Variants in SLC39A10 observed in about 807,000 individuals in gnomAD.
SLC39A10 encodes the protein solute carrier family 39 member 10.
Under a neutral mutation model 65.1 loss-of-function variants are expected in SLC39A10, and 13 were observed. That is an observed-to-expected ratio of 0.20 (90% CI 0.13 to 0.32). SLC39A10 has a LOEUF of 0.32. Ranked by LOEUF, SLC39A10 falls within the 10% of genes least tolerant of loss-of-function variation. The pLI, the probability that SLC39A10 is intolerant of heterozygous loss-of-function variation, is 1.00. For synonymous variants in SLC39A10, 321 were observed against 342.2 expected, an observed-to-expected ratio of 0.94 and a Z score of 0.68; for missense variants, 831 against 1,018.4, an observed-to-expected ratio of 0.82 and a Z score of 2.50.
chr2:195,659,877 C>G lies in SLC39A10; in HGVS notation c.-12+2596C>G, dbSNP rs1689316097. On this transcript the variant is annotated intron_variant, in intron 1 of 9. Transcript: ENST00000359634. ...TCTCCCTCCACTCCCTCCTTGACTA[C>G]CCCCAGAATGAGCTTTGATGGTCTC... Among the ~76,000 whole-genome samples, 3 of 152,236 alleles carry G rather than the reference C, an allele frequency of 2.0e-5. No individual in the cohort carries two copies. The South Asian group carries it at 6.2e-4, about 32-fold the overall frequency.
At chr2:195,685,383 A>G (rs902391871) in intron 3 of SLC39A10, among the ~76,000 whole-genome samples, 2 of 151,816 alleles carry the variant, frequency 1.3e-5, no homozygotes, top group Non-Finnish European at 2.9e-5. Context: ...TGCTAGTTAT[A>G]TTTTTTTCTC....
At chr2:195,725,790 A>T (rs1326893368) in intron 8 of SLC39A10, among the ~76,000 whole-genome samples, 1 of 152,196 alleles carries the variant, frequency 6.6e-6, no homozygotes, top group East Asian at 1.9e-4. Flanking sequence ...TAATTTTCTG[A>T]TATACACAGT....
intron 6 of SLC39A10, 35 bp downstream of exon 6, chr2:195,713,588 T>C (rs1192949387): frequency 1.3e-6 from 2 of 1,549,078 alleles, no homozygotes; most frequent in South Asian, 1.2e-5. Context: ...CAAACTTTTT[T>C]CTTTTTTTTT....
At chr2:195,618,377 A>G (rs1478618547) in intron 2 of SLC39A10, among the ~76,000 whole-genome samples, 8 of 151,556 alleles carry the variant, frequency 5.3e-5, no homozygotes, top group East Asian at 1.9e-4. Context: ...AAGAGAGAGA[A>G]AAAGTTAACT....
chr2:195,615,449 C>T (rs1688185365), intron 2 of SLC39A10, among the ~76,000 whole-genome samples: 1 of 152,184 alleles, frequency 6.6e-6, no homozygotes, highest in African/African-American at 2.4e-5. Flanking sequence ...AGGTGTGAGC[C>T]ACTATGACCG....
intron 3 of SLC39A10, among the ~76,000 whole-genome samples, chr2:195,693,660 G>A (rs191092344): frequency 1.6e-4 from 24 of 151,918 alleles, no homozygotes; most frequent in Non-Finnish European, 2.7e-4. Flanking sequence ...CCTCCTGTTT[G>A]GTTTCTAATT....
At chr2:195,721,903 T>C (rs1302031625) in intron 8 of SLC39A10, among the ~76,000 whole-genome samples, 1 of 152,210 alleles carries the variant, frequency 6.6e-6, no homozygotes, top group East Asian at 1.9e-4. Context: ...AAGGATTCAC[T>C]CAGACACAGA....
At chr2:195,721,765 C>T (rs1692054511) in intron 8 of SLC39A10, among the ~76,000 whole-genome samples, 1 of 152,132 alleles carries the variant, frequency 6.6e-6, no homozygotes, top group Non-Finnish European at 1.5e-5. Flanking sequence ...GATAATCACG[C>T]ATACACCTCC....
chr2:195,669,074 G>GA (rs11440320), intron 1 of SLC39A10, among the ~76,000 whole-genome samples: 71,561 of 134,896 alleles, frequency 0.53, 18,548 homozygotes, highest in Non-Finnish European at 0.61. Flanking sequence ...CTCCCTCTCA[G>GA]AAAAAAAAAA....
chr2:195,625,135 T>G (rs1688440194), intron 2 of SLC39A10, among the ~76,000 whole-genome samples: 1 of 147,716 alleles, frequency 6.8e-6, no homozygotes, highest in Non-Finnish European at 1.5e-5. Context: ...GAGAATCGCT[T>G]GAACCCGGGA....
chr2:195,696,319 G>GA (rs67651617), intron 3 of SLC39A10, among the ~76,000 whole-genome samples: 16,937 of 140,670 alleles, frequency 0.12, 1,211 homozygotes, highest in East Asian at 0.24. Context: ...TTTTATTTCT[G>GA]AAAAAAAAAA....
intron 2 of SLC39A10, among the ~76,000 whole-genome samples, chr2:195,683,256 A>G (rs1690401084): frequency 6.6e-6 from 1 of 152,002 alleles, no homozygotes; most frequent in South Asian, 2.1e-4. Flanking sequence ...AGAATTTTCC[A>G]AAACAATATG....
intron 2 of SLC39A10, among the ~76,000 whole-genome samples, 155 bp from the exon 3 acceptor site, chr2:195,683,544 A>G (rs1372391552): frequency 6.6e-6 from 1 of 152,092 alleles, no homozygotes; most frequent in Non-Finnish European, 1.5e-5. Context: ...CCCTATTACA[A>G]ATTCTTATTA....
chr2:195,690,856 A>T (rs959003832), intron 3 of SLC39A10, among the ~76,000 whole-genome samples: 1 of 151,908 alleles, frequency 6.6e-6, no homozygotes, highest in Non-Finnish European at 1.5e-5. Context: ...TTTTGTTTTT[A>T]AATTTTTATT....
At chr2:195,692,967 A>G (rs1483579994) in intron 3 of SLC39A10, among the ~76,000 whole-genome samples, 1 of 152,186 alleles carries the variant, frequency 6.6e-6, no homozygotes, top group Non-Finnish European at 1.5e-5. Context: ...TGGGTTTGTC[A>G]TAGATGGCTT....
intron 1 of SLC39A10, chr2:195,671,629 A>G (rs1689862407): frequency 6.6e-6 from 1 of 152,130 alleles, no homozygotes; most frequent in African/African-American, 2.4e-5. Flanking sequence ...GGCTTCTACC[A>G]TTTCCCCCAT....
chr2:195,703,138 A>T (rs1691256129), intron 3 of SLC39A10, among the ~76,000 whole-genome samples: 1 of 152,102 alleles, frequency 6.6e-6, no homozygotes, highest in Non-Finnish European at 1.5e-5. Context: ...CCTTTGAAAT[A>T]CCCCCTATCT....
At chr2:195,681,591 T>C (rs561116926) in intron 2 of SLC39A10, among the ~76,000 whole-genome samples, 5 of 152,298 alleles carry the variant, frequency 3.3e-5, no homozygotes, top group African/African-American at 1.2e-4. Flanking sequence ...TCTTATATTC[T>C]CAAATTTGGT....
At position 195,680,702 on chromosome 2, in the gene SLC39A10, C is replaced by T; in HGVS notation, c.660C>T (p.Thr220=). 6.2e-7 allele frequency: 1 copy of T among 1,613,900 alleles called. No homozygotes were observed. Among genetic ancestry groups the T allele is most frequent in the Non-Finnish European group, 8.5e-7 (1 of 1,180,014 alleles). ...SNEPSTETNK[T]QEQSDVKLPK... Reference sequence around the variant, plus strand: ...AACCTTCAACAGAGACCAATAAAACCCAGGAACAATCTGATGTTAAACTAC... The same window carrying T: ...AACCTTCAACAGAGACCAATAAAACTCAGGAACAATCTGATGTTAAACTAC... Residue 220 remains threonine (T), a synonymous_variant, in exon 2 of 10, where the codon ACC becomes ACT. Coordinates refer to ENST00000359634, the MANE Select transcript of SLC39A10 (RefSeq NM_020342.3).
Sources: gnomAD v4.1 joint callset for allele counts (sites outside exome capture counted in the v4.1 genomes callset) on GRCh38, gnomAD v4.1.1 for gene constraint, MANE v1.5 for transcripts, NCBI Gene and HGNC (gene_info 2026-07-23, HGNC 2026-07-21) for gene names.